COL5A1: variants seen among roughly 807,000 people sequenced by gnomAD.
COL5A1 encodes the protein collagen alpha-1(V) chain.
Under a neutral mutation model 263.7 loss-of-function variants are expected in COL5A1, and 16 were observed. The ratio of observed to expected loss-of-function variants is 0.06; its 90% CI spans 0.04 to 0.09. The LOEUF is 0.09. COL5A1 is among the 10% of genes least tolerant of loss of function. The pLI is 1.00. For missense variants in COL5A1, 2,036 were observed against 2,540.5 expected (o/e 0.80, Z 4.27); for synonymous variants, 1,012 against 1,004.5 (o/e 1.01, Z -0.14).
At position 134,812,759 on chromosome 9, in the gene COL5A1, A is replaced by AGTGTGT. The variant is rs375849402; in HGVS notation, c.3852+56_3852+61dup. The stretch of plus-strand genomic sequence containing the variant: ...GTGGCAGATTTGCGGTTGTTTGAGG[A>AGTGTGT]GTGTGTGTGTGTGTCTGTGTGTGTG... On this transcript the variant is annotated intron_variant, in intron 48 of 65. Coordinates refer to ENST00000371817, the MANE Select transcript of COL5A1 (RefSeq NM_000093.5). The AGTGTGT allele has an allele frequency of 0.017, 16,917 of 967,952 alleles. 85 individuals carry two copies. Among genetic ancestry groups the AGTGTGT allele is most frequent in the East Asian group, 0.032 (1,125 of 35,634 alleles). 60.0% of individuals were successfully genotyped at this position (967,952 alleles called of 1,614,324 possible).
At chr9:134,739,825 G>A (rs892151363) in intron 11 of COL5A1, among the ~76,000 whole-genome samples, 5 of 152,178 alleles carry the variant, frequency 3.3e-5, no homozygotes, top group Non-Finnish European at 4.4e-5. Context: ...AGGGGCAGGC[G>A]GCGGCAGCCT....
At chr9:134,816,640 G>A (rs1179490887) in intron 52 of COL5A1, among the ~76,000 whole-genome samples, 2 of 152,226 alleles carry the variant, frequency 1.3e-5, no homozygotes, top group Non-Finnish European at 2.9e-5. Flanking sequence ...GGATTTCCCT[G>A]ACAGACACCC....
intron 29 of COL5A1, among the ~76,000 whole-genome samples, chr9:134,783,252 A>G (rs971181357): frequency 5.9e-5 from 9 of 152,200 alleles, no homozygotes; most frequent in Non-Finnish European, 1.2e-4. Flanking sequence ...ACTCCCACAC[A>G]GTCCTGTGGT....
chr9:134,659,105 C>G (rs1188805403), intron 1 of COL5A1, among the ~76,000 whole-genome samples: 1 of 152,128 alleles, frequency 6.6e-6, no homozygotes, highest in African/African-American at 2.4e-5. Context: ...TTTAAAATAG[C>G]CTTTGAGGCC....
chr9:134,649,517 T>G, intron 1 of COL5A1: 1 of 471,216 alleles, frequency 2.1e-6, no homozygotes, highest in South Asian at 1.6e-5. Context: ...GTAGGGAAAT[T>G]AGCTCTTCTG....
rs1300586902 is a variant in COL5A1, at chr9:134,818,856, A to G, written c.4347A>G (p.Gln1449=). The change falls in exon 56 of 66, where the codon CAA becomes CAG. Residue 1449 remains glutamine, a synonymous_variant. Transcript: ENST00000371817. The surrounding 1 kb of genome is among the most constrained non-coding windows in gnomAD (Gnocchi z 6.0). ...GCGTCTCTGTGTTTCAGGGAGAACAAGGTCTCCCAGGATCCCCAGGCCCGG... is the reference window on the plus strand; with the variant it reads ...GCGTCTCTGTGTTTCAGGGAGAACAGGGTCTCCCAGGATCCCCAGGCCCGG... The part of the protein sequence containing the change: ...LRGIPGPVGE[Q]GLPGSPGPDG... 3.7e-6 allele frequency: 6 copies of G among 1,613,042 alleles called. No homozygotes were observed. Among genetic ancestry groups the G allele is most frequent in the Non-Finnish European group, 5.1e-6 (6 of 1,179,786 alleles).
At chr9:134,731,282 C>T (rs999982660) in intron 7 of COL5A1, among the ~76,000 whole-genome samples, 2 of 152,182 alleles carry the variant, frequency 1.3e-5, no homozygotes, top group South Asian at 2.1e-4. Flanking sequence ...GTGCCAGCTC[C>T]GAGTTGTCAG....
At chr9:134,667,157 T>A (rs1275033752) in intron 1 of COL5A1, among the ~76,000 whole-genome samples, 2 of 152,220 alleles carry the variant, frequency 1.3e-5, no homozygotes, top group African/African-American at 4.8e-5. Context: ...ATGGTGACTT[T>A]CCCAGCACAG....
intron 28 of COL5A1, among the ~76,000 whole-genome samples, chr9:134,781,648 G>A (rs1057353246): frequency 2.6e-5 from 4 of 152,210 alleles, no homozygotes; most frequent in Non-Finnish European, 5.9e-5. Context: ...CACTGTTCCC[G>A]AGGGCCACGC....
At chr9:134,804,446 T>A (rs1463928311) in intron 39 of COL5A1, among the ~76,000 whole-genome samples, 2 of 152,148 alleles carry the variant, frequency 1.3e-5, no homozygotes, top group Admixed American at 1.3e-4. Context: ...ATGCTTTTAA[T>A]GCTATTTCGA....
intron 27 of COL5A1, among the ~76,000 whole-genome samples, chr9:134,777,050 C>T (rs963741009): frequency 1.3e-5 from 2 of 152,226 alleles, no homozygotes; most frequent in Non-Finnish European, 2.9e-5. Context: ...TTGGTGGACA[C>T]AGACATTCAG....
Position 134,765,126 on chromosome 9 carries a change from A to G in COL5A1, c.2035-555A>G, listed in dbSNP as rs1836609733. Among the ~76,000 whole-genome samples, 1 of 152,112 alleles carries G rather than the reference A, an allele frequency of 6.6e-6. No homozygotes were observed. Among genetic ancestry groups the G allele is most frequent in the Non-Finnish European group, 1.5e-5 (1 of 67,996 alleles). ...GGGCGTGCCAGCTCTTGCCCAGAGT[A>G]GCGTCCTGGAAAAGATCTGTACCCC... is the stretch of plus-strand genomic sequence containing the variant. On this transcript the variant is annotated intron_variant, in intron 20 of 65. Transcript: ENST00000371817. This position sits in a 1 kb window ranked among gnomAD's most constrained non-coding sequence, Gnocchi z 5.1.
chr9:134,756,153 C>T (rs1165083312), intron 16 of COL5A1, among the ~76,000 whole-genome samples: 1 of 152,188 alleles, frequency 6.6e-6, no homozygotes, highest in Non-Finnish European at 1.5e-5. Flanking sequence ...TCTTCAGCCC[C>T]ATGGCCAGTC....
At chr9:134,791,093 A>G (rs1466000210) in intron 32 of COL5A1, among the ~76,000 whole-genome samples, 1 of 152,222 alleles carries the variant, frequency 6.6e-6, no homozygotes. Context: ...CCAGGGCATC[A>G]GCACTGTGGG....
intron 37 of COL5A1, among the ~76,000 whole-genome samples, chr9:134,800,221 C>A (rs1838057493): frequency 6.6e-6 from 1 of 152,214 alleles, no homozygotes; most frequent in East Asian, 1.9e-4. Flanking sequence ...CCTGGGGAGG[C>A]CTTTTTTGTT....
chr9:134,749,162 G>A (rs990255462), intron 11 of COL5A1, among the ~76,000 whole-genome samples: 1 of 152,154 alleles, frequency 6.6e-6, no homozygotes, highest in African/African-American at 2.4e-5. Flanking sequence ...TTGAACCGGG[G>A]AGGCGGAGGT....
At position 134,780,342 on chromosome 9, in the gene COL5A1, C is replaced by T. The variant is rs75545068; in HGVS notation, c.2430+196C>T. On this transcript the variant is annotated intron_variant, in intron 28 of 65. Transcript: ENST00000371817. ...GAAGAAGAGTAAGTTGAGGATAGGC[C>T]CTCGGGTCCCCAGGGGCACATCTCC... Among the ~76,000 whole-genome samples the T allele has an allele frequency of 0.02, 3,003 of 152,220 alleles. 121 individuals are homozygous for T. The highest frequency in any genetic ancestry group is 0.068 in the African/African-American group (2,817 of 41,524).
chr9:134,836,005 G>C (rs963761278), intron 65 of COL5A1, among the ~76,000 whole-genome samples: 2 of 152,326 alleles, frequency 1.3e-5, no homozygotes, highest in African/African-American at 2.4e-5. Context: ...GGTGGGAATC[G>C]CTGAGAATTC....
At position 134,829,864 on chromosome 9, in the gene COL5A1, G is replaced by A. The variant is rs571578409; in HGVS notation, c.5068-112G>A. On this transcript the variant is annotated intron_variant, in intron 63 of 65. Transcript: ENST00000371817. ...GGGTCCTCCCTGCAGCCCCCCCGGC[G>A]TGAGGATGCAGGCGCGGGGGCCGGG... 1,306 of 1,211,446 alleles carry A rather than the reference G, an allele frequency of 1.1e-3. 20 individuals are homozygous for A. The South Asian group carries it at 0.014, about 13-fold the overall frequency. 75.0% of individuals were successfully genotyped at this position (1,211,446 alleles called of 1,614,324 possible).
Sources: allele counts gnomAD v4.1 joint callset (sites outside exome capture counted in the v4.1 genomes callset), GRCh38; gene constraint gnomAD v4.1.1; non-coding constraint Gnocchi (gnomAD v3.1); transcripts MANE v1.5; gene names NCBI Gene and HGNC (gene_info 2026-07-23, HGNC 2026-07-21).